The following COBL variants were observed in gnomAD, a reference collection of about 807,000 sequenced individuals.
COBL encodes protein cordon-bleu.
COBL carries 51 observed loss-of-function variants against 98.8 expected under a neutral mutation model. That is an observed-to-expected ratio of 0.52 (90% CI 0.41 to 0.65). The LOEUF (loss-of-function observed/expected upper bound fraction) is 0.65, where lower values mean the gene tolerates loss of function less well. Among genes scored for constraint, COBL ranks in the 30% least tolerant of loss-of-function variants. The probability of loss-of-function intolerance (pLI) is 0.00; values close to 1 mark genes in which losing one functional copy is unlikely to be tolerated. For synonymous variants in COBL, 634 were observed against 651.7 expected (o/e 0.97, Z 0.41); for missense variants, 1,617 against 1,617.5 (o/e 1.00, Z 0.01).
chr7:51,199,659 A>G (rs1053461078), intron 2 of COBL, among the ~76,000 whole-genome samples: 2 of 152,342 alleles, frequency 1.3e-5, no homozygotes, highest in Admixed American at 6.5e-5. Context: ...GAAATCTTGC[A>G]GCTGAAGAAT....
chr7:51,218,673 A>C (rs1793331880), intron 2 of COBL, among the ~76,000 whole-genome samples: 1 of 152,000 alleles, frequency 6.6e-6, no homozygotes, highest in African/African-American at 2.4e-5. Flanking sequence ...ATGGGGTTTC[A>C]CCATTTTGGC....
At chr7:51,316,499 G>T in intron 1 of COBL, 94 bp downstream of exon 1, 1 of 960,370 alleles carries the variant, frequency 1.0e-6, no homozygotes, top group South Asian at 4.8e-5. Flanking sequence ...GGGCGGCAGA[G>T]AGGGCGCCCT....
In COBL at chr7:51,186,567, A is replaced by C. The variant is rs1011744942; in HGVS notation, c.686-2368T>G. On this transcript the variant is annotated intron_variant, in intron 4 of 12. Transcript: ENST00000265136. Reference sequence around the variant, plus strand: ...GGCTGATCATCACCTCTAAGGACTGAGGTCGGCTCCCTGACGAAGGGTCCA... The same window carrying C: ...GGCTGATCATCACCTCTAAGGACTGCGGTCGGCTCCCTGACGAAGGGTCCA... 2.0e-5 allele frequency among the ~76,000 whole-genome samples: 3 copies of C among 152,204 alleles called. No individual in the cohort carries two copies. The East Asian group carries it at 5.8e-4, about 29-fold the overall frequency.
intron 2 of COBL, among the ~76,000 whole-genome samples, chr7:51,208,263 C>T (rs1269955180): frequency 6.7e-6 from 1 of 148,292 alleles, no homozygotes; most frequent in Non-Finnish European, 1.5e-5. Flanking sequence ...GTGAGGAGCC[C>T]CTCCGCCCGG....
At chr7:51,058,663 T>C (rs528131344) in intron 7 of COBL, among the ~76,000 whole-genome samples, 2 of 152,348 alleles carry the variant, frequency 1.3e-5, no homozygotes, top group South Asian at 4.1e-4. Context: ...TTACAGGCTA[T>C]GGCTTCTCAT....
At chr7:51,156,546 C>T (rs1012292749) in intron 5 of COBL, 4 of 984,914 alleles carry the variant, frequency 4.1e-6, no homozygotes, top group African/African-American at 1.8e-5. Context: ...TATATCATCT[C>T]GGATGGCAAA....
At chr7:51,245,683 A>G (rs1563083268) in intron 1 of COBL, among the ~76,000 whole-genome samples, 1 of 152,232 alleles carries the variant, frequency 6.6e-6, no homozygotes, top group African/African-American at 2.4e-5. Flanking sequence ...AACATAAATG[A>G]TAGTACAGTG....
intron 7 of COBL, among the ~76,000 whole-genome samples, chr7:51,062,903 C>T (rs1007955854): frequency 5.9e-5 from 9 of 152,172 alleles, no homozygotes; most frequent in African/African-American, 2.2e-4. Context: ...CGGTGAAGTC[C>T]TGAGTCCTTG....
At chr7:51,082,467 C>T (rs1472713359) in intron 7 of COBL, among the ~76,000 whole-genome samples, 1 of 152,178 alleles carries the variant, frequency 6.6e-6, no homozygotes, top group South Asian at 2.1e-4. Flanking sequence ...CAAAGAGAGC[C>T]CCATCTCAAA....
intron 1 of COBL, among the ~76,000 whole-genome samples, chr7:51,244,561 G>A (rs552794712): frequency 1.3e-5 from 2 of 152,044 alleles, no homozygotes; most frequent in Non-Finnish European, 1.5e-5. Context: ...ACACCAAACC[G>A]ATAGGGTCTC....
chr7:51,087,562 G>A (rs747109004), intron 6 of COBL, among the ~76,000 whole-genome samples: 2 of 151,778 alleles, frequency 1.3e-5, no homozygotes, highest in Non-Finnish European at 2.9e-5. Context: ...GCAGTGGCGC[G>A]ATCTCGGGTT....
chr7:51,175,178 T>C (rs943357936), intron 5 of COBL, among the ~76,000 whole-genome samples: 2 of 152,266 alleles, frequency 1.3e-5, no homozygotes, highest in Non-Finnish European at 2.9e-5. Flanking sequence ...CTTTTCCACC[T>C]TGGAGCAGGT....
At chr7:51,104,350 C>T (rs902513023) in intron 6 of COBL, among the ~76,000 whole-genome samples, 1 of 152,162 alleles carries the variant, frequency 6.6e-6, no homozygotes, top group Non-Finnish European at 1.5e-5. Context: ...TGAGCCAGAA[C>T]AGCCTAGAAA....
chr7:51,049,899 A>G (rs1790078977), intron 7 of COBL, among the ~76,000 whole-genome samples: 1 of 152,178 alleles, frequency 6.6e-6, no homozygotes, highest in South Asian at 2.1e-4. Context: ...TGCTCTGAGT[A>G]GGCACCTCAA....
chr7:51,065,446 T>C (rs889584678), intron 7 of COBL: 6 of 699,222 alleles, frequency 8.6e-6, no homozygotes, highest in Non-Finnish European at 1.3e-5. Flanking sequence ...AGCTGCTCCA[T>C]AAACTGTAGG....
At chr7:51,188,795 T>A (rs943809948) in intron 4 of COBL, among the ~76,000 whole-genome samples, 1 of 152,158 alleles carries the variant, frequency 6.6e-6, no homozygotes. Flanking sequence ...AGCTCCTACA[T>A]TCCCAATGAC....
At chr7:51,148,299 G>A (rs558899981) in intron 5 of COBL, among the ~76,000 whole-genome samples, 27 of 152,196 alleles carry the variant, frequency 1.8e-4, no homozygotes, top group African/African-American at 6.5e-4. Context: ...ATCTTCCCTC[G>A]CTTTGTCTTT....
At chr7:51,232,636 C>T (rs764003742) in intron 1 of COBL, among the ~76,000 whole-genome samples, 3 of 152,066 alleles carry the variant, frequency 2.0e-5, no homozygotes, top group African/African-American at 7.2e-5. Flanking sequence ...ACAGTGAAAC[C>T]CTGCCTCTAC....
At chr7:51,205,306 G>T (rs1186740496) in intron 2 of COBL, among the ~76,000 whole-genome samples, 1 of 152,166 alleles carries the variant, frequency 6.6e-6, no homozygotes, top group African/African-American at 2.4e-5. Context: ...GGTACTTGCA[G>T]AAAATCAAAC....
Sources: gnomAD v4.1 joint callset for allele counts (sites outside exome capture counted in the v4.1 genomes callset) on GRCh38, gnomAD v4.1.1 for gene constraint, MANE v1.5 for transcripts, NCBI Gene and HGNC (gene_info 2026-07-23, HGNC 2026-07-21) for gene names.